Variants in TNRC6A observed in about 807,000 individuals in gnomAD.
TNRC6A encodes trinucleotide repeat containing adaptor 6A, also known as trinucleotide repeat-containing gene 6A protein.
Under a neutral mutation model 221.2 loss-of-function variants are expected in TNRC6A, and 44 were observed. The observed-to-expected ratio is 0.20, with a 90% CI of 0.16 to 0.26. The LOEUF is 0.26. TNRC6A is among the 10% of genes least tolerant of loss of function. TNRC6A has a pLI of 1.00. For synonymous variants in TNRC6A, 847 were observed against 838.5 expected, an observed-to-expected ratio of 1.01 and a Z score of -0.18; for missense variants, 2,199 against 2,404.4, an observed-to-expected ratio of 0.91 and a Z score of 1.79.
At chr16:24,793,689 T>G in intron 7 of TNRC6A, 40 bp downstream of exon 7, 1 of 1,339,568 alleles carries the variant, frequency 7.5e-7, no homozygotes, top group South Asian at 2.6e-5. Flanking sequence ...TATGTAGCAG[T>G]GGCGAACACT....
chr16:24,668,921 A>G (rs746770742), intron 2 of TNRC6A, among the ~76,000 whole-genome samples: 21 of 152,060 alleles, frequency 1.4e-4, no homozygotes, highest in Non-Finnish European at 2.5e-4. Flanking sequence ...TGAAAGTTCA[A>G]CAGGAAAAGG....
intron 18 of TNRC6A, among the ~76,000 whole-genome samples, chr16:24,811,710 C>T: frequency 6.6e-6 from 1 of 151,832 alleles, no homozygotes; most frequent in Middle Eastern, 3.4e-3. Flanking sequence ...TGGAGTAGAT[C>T]TAGTATAGTC....
chr16:24,724,486 C>A (rs1596550475), intron 2 of TNRC6A, among the ~76,000 whole-genome samples: 1 of 150,194 alleles, frequency 6.7e-6, no homozygotes, highest in African/African-American at 2.4e-5. Flanking sequence ...TGGCTCACAC[C>A]TGTAATCCCA....
At chr16:24,731,372 T>G (rs1364064175) in intron 2 of TNRC6A, among the ~76,000 whole-genome samples, 3 of 152,228 alleles carry the variant, frequency 2.0e-5, no homozygotes, top group Non-Finnish European at 2.9e-5. Context: ...ATTGCTGGCC[T>G]ATTGAGTTTC....
intron 7 of TNRC6A, 94 bp downstream of exon 7, chr16:24,793,743 T>A: frequency 1.9e-6 from 2 of 1,026,954 alleles, no homozygotes; most frequent in Non-Finnish European, 2.5e-6. Flanking sequence ...CTATGTTATT[T>A]ATAATATATT....
chr16:24,644,108 A>T, intron 2 of TNRC6A, among the ~76,000 whole-genome samples: 1 of 16,474 alleles, frequency 6.1e-5, no homozygotes, highest in African/African-American at 6.6e-4. Flanking sequence ...TTTTTTTGAG[A>T]CAGAGTCTCG....
intron 15 of TNRC6A, 74 bp downstream of exon 15, chr16:24,805,807 C>CGGGA: frequency 6.3e-7 from 1 of 1,587,108 alleles, no homozygotes; most frequent in East Asian, 2.2e-5. Context: ...AGACTCTGTG[C>CGGGA]GGGACATAGT....
At chr16:24,730,128 C>CCCGGCA in intron 1 of TNRC6A, 125 bp from the exon 2 acceptor site, 1 of 821,384 alleles carries the variant, frequency 1.2e-6, no homozygotes, top group Non-Finnish European at 1.7e-6. Context: ...CCCCCTCCCC[C>CCCGGCA]CGTCCTCTCC....
At chr16:24,724,000 A>C (rs145096734) in intron 2 of TNRC6A, among the ~76,000 whole-genome samples, 138 of 152,262 alleles carry the variant, frequency 9.1e-4, no homozygotes, top group African/African-American at 3.1e-3. Flanking sequence ...CATTTACATA[A>C]TGAAAGACAT....
intron 5 of TNRC6A, among the ~76,000 whole-genome samples, chr16:24,779,556 T>C (rs1470046517): frequency 2.0e-5 from 3 of 152,202 alleles, no homozygotes; most frequent in African/African-American, 7.2e-5. Context: ...GTTATTAATA[T>C]TAATAACGAT....
chr16:24,630,632 G>A (rs751108011), intron 1 of TNRC6A, among the ~76,000 whole-genome samples: 8 of 151,976 alleles, frequency 5.3e-5, no homozygotes, highest in South Asian at 2.1e-4. Context: ...CCCACCTCAC[G>A]TCCTATTCTC....
intron 12 of TNRC6A, 175 bp from the exon 13 acceptor site, chr16:24,804,530 T>C (rs1308787513): frequency 4.3e-6 from 5 of 1,150,836 alleles, no homozygotes; most frequent in South Asian, 1.7e-5. Context: ...CCATGAAATA[T>C]GTTTGGCTCT....
intron 2 of TNRC6A, among the ~76,000 whole-genome samples, chr16:24,710,526 G>A (rs377597891): frequency 1.9e-4 from 29 of 152,196 alleles, no homozygotes; most frequent in African/African-American, 7.0e-4. Context: ...CTTCATCTTT[G>A]ACAGGAGCAG....
intron 2 of TNRC6A, among the ~76,000 whole-genome samples, chr16:24,664,473 T>G (rs1397228610): frequency 4.2e-5 from 6 of 141,928 alleles, no homozygotes; most frequent in Admixed American, 7.2e-5. Context: ...TTAAATATAA[T>G]AAATATAAAT....
chr16:24,687,954 C>CTTTTCTTTTTT (rs1555489553), intron 2 of TNRC6A, among the ~76,000 whole-genome samples: 1 of 70,656 alleles, frequency 1.4e-5, no homozygotes, highest in Non-Finnish European at 2.5e-5. Context: ...CTTTTCTTTT[C>CTTTTCTTTTTT]TTTTTTTTTT....
chr16:24,795,917 G>A lies in TNRC6A; in HGVS notation c.3539G>A (p.Gly1180Asp). 6.2e-7 allele frequency: 1 copy of A among 1,607,002 alleles called. No homozygotes were observed. Residue 1180 changes from glycine (G) to aspartate (D), a missense_variant, in exon 9 of 25, where the codon GGC (glycine) becomes GAC (aspartate). Gly to Asp is a moderately conservative substitution (Grantham distance 94). Around this residue, in one of 8 missense-constraint regions of TNRC6A, gnomAD observed 7 missense variants for 27.0 expected, o/e 0.26. Transcript: ENST00000395799. The stretch of plus-strand genomic sequence containing the variant: ...TGTCTTTCCTTACAGGGTCTGAGTG[G>A]CAAAAAAAGGAGAAGGGAAAGGGTG... The part of the protein sequence containing the change: ...TKKMSSKGLS[G>D]KKRRRERGMM...
In TNRC6A at chr16:24,823,638, G is replaced by T. The variant is rs779944300; in HGVS notation, c.5720G>T (p.Gly1907Val). The change falls in exon 25 of 25, where the codon GGA becomes GTA. Residue 1907 changes from glycine to valine, a missense_variant. By Grantham distance (109) the Gly-to-Val change is moderately radical. Coordinates refer to ENST00000395799, the MANE Select transcript of TNRC6A (RefSeq NM_014494.4). The surrounding 1 kb of genome is among the most constrained non-coding windows in gnomAD (Gnocchi z 4.3). Reference sequence around the variant, plus strand: ...CACTGGAATGGTGCTGGGCTGTCGGGAACTAACTGTGGAGACCTTCACGGC... The same window carrying T: ...CACTGGAATGGTGCTGGGCTGTCGGTAACTAACTGTGGAGACCTTCACGGC... The part of the protein sequence containing the change: ...LNHWNGAGLS[G>V]TNCGDLHGTS... 6.2e-7 allele frequency: 1 copy of T among 1,613,612 alleles called. No individual in the cohort carries two copies. Among genetic ancestry groups the T allele is most frequent in the Non-Finnish European group, 8.5e-7 (1 of 1,179,808 alleles).
rs1319255290 is a variant in TNRC6A at position 24,730,121 on chromosome 16, C to T, written c.6-132C>T. ...GCAGCCCCGCAGCTTTGTGAGTCCC[C>T]CTCCCCCCGTCCTCTCCCCTCCCCC... On this transcript the variant is annotated intron_variant, in intron 1 of 24. Coordinates refer to ENST00000395799, the MANE Select transcript of TNRC6A (RefSeq NM_014494.4). 21 of 818,386 alleles carry T rather than the reference C, an allele frequency of 2.6e-5. 2 individuals carry two copies. The highest frequency in any genetic ancestry group is 2.0e-4 in the South Asian group (10 of 49,234). The allele number at this position is 818,386 out of a possible 1,614,324, so 50.7% of individuals were successfully genotyped here.
chr16:24,716,527 A>G (rs11860415), intron 2 of TNRC6A, among the ~76,000 whole-genome samples: 15,420 of 152,016 alleles, frequency 0.1, 1,796 homozygotes, highest in East Asian at 0.36. Context: ...AAATTAGCCG[A>G]GCGTGATGGT....
Sources: gnomAD v4.1 joint callset for allele counts (sites outside exome capture counted in the v4.1 genomes callset) on GRCh38, gnomAD v4.1.1 for gene constraint, gnomAD v4.1.1 regional missense constraint, Gnocchi (gnomAD v3.1) non-coding constraint, MANE v1.5 for transcripts, NCBI Gene and HGNC (gene_info 2026-07-23, HGNC 2026-07-21) for gene names.